Variants in TSKS observed in about 807,000 individuals in gnomAD.
The protein encoded by TSKS is testis specific serine kinase substrate.
Under a neutral mutation model 68.0 loss-of-function variants are expected in TSKS, and 27 were observed. That is an observed-to-expected ratio of 0.40 (90% CI 0.29 to 0.55). TSKS has a LOEUF of 0.55. Among genes scored for constraint, TSKS ranks in the 20% least tolerant of loss-of-function variants. The pLI, the probability that TSKS is intolerant of heterozygous loss-of-function variation, is 0.53. For synonymous variants in TSKS, 331 were observed against 340.4 expected (o/e 0.97, Z 0.30); for missense variants, 806 against 776.0 (o/e 1.04, Z -0.46).
At chr19:49,745,502 AC>A in intron 6 of TSKS, 106 bp from the exon 7 acceptor site, 1 of 1,006,748 alleles carries the variant, frequency 9.9e-7, no homozygotes, top group Non-Finnish European at 1.4e-6. Flanking sequence ...CCCCACTGAG[AC>A]CATGCCCGTG....
At chr19:49,743,302 C>T in intron 8 of TSKS, among the ~76,000 whole-genome samples, 1 of 151,826 alleles carries the variant, frequency 6.6e-6, no homozygotes, top group East Asian at 1.9e-4. Context: ...TGGTCTCAAA[C>T]TCCCGACCTC....
intron 6 of TSKS, 31 bp from the exon 7 acceptor site, chr19:49,745,427 G>T (rs2084290122): frequency 6.7e-7 from 1 of 1,483,884 alleles, no homozygotes; most frequent in Non-Finnish European, 9.0e-7. Flanking sequence ...AATGGGTAGG[G>T]GCTAGGCTTC....
chr19:49,742,067 A>C, intron 8 of TSKS, 47 bp from the exon 9 acceptor site: 2 of 1,602,828 alleles, frequency 1.2e-6, no homozygotes, highest in South Asian at 1.1e-5. Flanking sequence ...TACCAACTCC[A>C]GGACGCCCCA....
intron 1 of TSKS, 55 bp from the exon 2 acceptor site, chr19:49,762,287 C>T (rs2084449049): frequency 1.4e-6 from 2 of 1,424,208 alleles, no homozygotes; most frequent in Non-Finnish European, 1.9e-6. Context: ...GTGTCTGGGC[C>T]CTCCTGCCTT....
rs1328852476 is a variant in TSKS, at chr19:49,745,210, C to T, written c.1179G>A (p.Leu393=). The part of the protein sequence containing the change: ...LQELRGRADE[L]CTMVERSAVS... ...CTGGCCCCAATCCTCACATGGTGCA[C>T]AGCTCATCCGCCCGACCTCGCAGCT... is the stretch of plus-strand genomic sequence containing the variant. Residue 393 remains leucine, a synonymous_variant, in exon 7 of 11, where the codon CTG becomes CTA. Coordinates refer to ENST00000246801, the MANE Select transcript of TSKS (RefSeq NM_021733.2). The T allele has an allele frequency of 4.4e-6, 7 of 1,599,140 alleles. No individual in the cohort carries two copies. The highest frequency in any genetic ancestry group is 2.2e-5 in the East Asian group (1 of 44,596).
At chr19:49,741,083 CAGG>C (rs967817835) in intron 9 of TSKS, among the ~76,000 whole-genome samples, 1 of 151,954 alleles carries the variant, frequency 6.6e-6, no homozygotes, top group African/African-American at 2.4e-5. Context: ...GAGGCTGAGG[CAGG>C]AGAATAGCGT....
At chr19:49,745,466 AG>A in intron 6 of TSKS, 70 bp from the exon 7 acceptor site, 2 of 1,313,100 alleles carry the variant, frequency 1.5e-6, no homozygotes, top group Non-Finnish European at 2.0e-6. Context: ...CCCACGAGAT[AG>A]GTGGGACAGG....
At chr19:49,750,549 G>C (rs1468744966) in intron 2 of TSKS, among the ~76,000 whole-genome samples, 1 of 152,116 alleles carries the variant, frequency 6.6e-6, no homozygotes, top group African/African-American at 2.4e-5. Flanking sequence ...AAGCCACCGT[G>C]CCCGGCCTAT....
At chr19:49,741,821 G>A in intron 9 of TSKS, 64 bp downstream of exon 9, 1 of 1,608,868 alleles carries the variant, frequency 6.2e-7, no homozygotes, top group Non-Finnish European at 8.5e-7. Flanking sequence ...TGAGTCCGGG[G>A]TTCCCCTCCC....
intron 9 of TSKS, among the ~76,000 whole-genome samples, 182 bp downstream of exon 9, chr19:49,741,703 C>T (rs1328125987): frequency 1.3e-5 from 2 of 152,192 alleles, no homozygotes; most frequent in Non-Finnish European, 2.9e-5. Context: ...GACTCACTCA[C>T]CACCAAACTG....
intron 2 of TSKS, among the ~76,000 whole-genome samples, chr19:49,753,511 G>A (rs1336481032): frequency 2.0e-5 from 3 of 151,056 alleles, no homozygotes; most frequent in South Asian, 2.1e-4. Flanking sequence ...GCAGTGAGCC[G>A]AGATCGCGCC....
intron 2 of TSKS, among the ~76,000 whole-genome samples, chr19:49,759,410 A>G (rs908282185): frequency 2.0e-5 from 3 of 149,470 alleles, no homozygotes; most frequent in African/African-American, 7.4e-5. Context: ...TGGAGGTTGC[A>G]GTGAGCTGAG....
intron 2 of TSKS, among the ~76,000 whole-genome samples, chr19:49,752,383 CAAAAA>C (rs35015955): frequency 4.8e-5 from 4 of 83,236 alleles, no homozygotes; most frequent in East Asian, 7.7e-4. Flanking sequence ...AACTCCATCT[CAAAAA>C]AAAAAAAAAA....
intron 2 of TSKS, among the ~76,000 whole-genome samples, chr19:49,759,589 T>C (rs1246050679): frequency 6.6e-6 from 1 of 150,394 alleles, no homozygotes; most frequent in Non-Finnish European, 1.5e-5. Flanking sequence ...TGAGCCAAGA[T>C]TGTGCCTGGA....
intron 2 of TSKS, among the ~76,000 whole-genome samples, chr19:49,749,894 G>A (rs2123614113): frequency 6.6e-6 from 1 of 151,770 alleles, no homozygotes; most frequent in Non-Finnish European, 1.5e-5. Flanking sequence ...ACAAGCATGA[G>A]CCACTGTGCC....
In TSKS at chr19:49,745,353, C is replaced by G; in HGVS notation, c.1036G>C (p.Gly346Arg). ...AGCCGCAGGGCTTCCTGCACCGCCC[C>G]CTCCTCCTGATGCCACCGGGCGGTC... is the stretch of plus-strand genomic sequence containing the variant. ...SLTARWHQEE[G>R]AVQEALRLLG... Residue 346 changes from glycine (G) to arginine (R), a missense_variant, in exon 7 of 11, where the codon GGG becomes CGG. Physicochemically the swap from Gly to Arg is moderately radical, Grantham distance 125. Coordinates refer to ENST00000246801, the MANE Select transcript of TSKS (RefSeq NM_021733.2). The G allele has an allele frequency of 1.3e-6, 2 of 1,594,570 alleles. No homozygotes were observed. Among genetic ancestry groups the G allele is most frequent in the African/African-American group, 2.7e-5 (2 of 74,784 alleles).
At chr19:49,744,685 C>T (rs79474955) in intron 7 of TSKS, among the ~76,000 whole-genome samples, 1 of 152,026 alleles carries the variant, frequency 6.6e-6, no homozygotes, top group Non-Finnish European at 1.5e-5. Context: ...TGGGCTCAAG[C>T]GATCACTCCT....
At chr19:49,746,911 G>A in intron 5 of TSKS, 113 bp from the exon 6 acceptor site, 2 of 1,507,886 alleles carry the variant, frequency 1.3e-6, no homozygotes, top group African/African-American at 1.4e-5. Context: ...AACGCCTGTG[G>A]GGACAGTATG....
intron 1 of TSKS, among the ~76,000 whole-genome samples, 196 bp from the exon 2 acceptor site, chr19:49,762,428 T>TC (rs1255432168): frequency 2.1e-5 from 3 of 145,128 alleles, no homozygotes; most frequent in Non-Finnish European, 4.6e-5. Context: ...TTTCTTTCTT[T>TC]TTTTTTTTTT....
Sources: gnomAD v4.1 joint callset for allele counts (sites outside exome capture counted in the v4.1 genomes callset) on GRCh38, gnomAD v4.1.1 for gene constraint, MANE v1.5 for transcripts, NCBI Gene and HGNC (gene_info 2026-07-23, HGNC 2026-07-21) for gene names.